The following MARCHF1 variants were observed in gnomAD, a reference collection of about 807,000 sequenced individuals.
MARCHF1 encodes the protein E3 ubiquitin-protein ligase MARCHF1.
In MARCHF1, 40 loss-of-function variants were observed where a neutral mutation model predicts 54.2. That is an observed-to-expected ratio of 0.74 (90% CI 0.57 to 0.96). The LOEUF is 0.96. MARCHF1 is among the 40% of genes least tolerant of loss of function. The pLI is 0.00. For synonymous variants in MARCHF1, 236 were observed against 236.3 expected, an observed-to-expected ratio of 1.00 and a Z score of 0.01; for missense variants, 586 against 656.5, an observed-to-expected ratio of 0.89 and a Z score of 1.17.
intron 2 of MARCHF1, among the ~76,000 whole-genome samples, chr4:164,007,000 A>G: frequency 9.0e-5 from 1 of 11,110 alleles, no homozygotes; most frequent in Non-Finnish European, 1.9e-4. Flanking sequence ...GAAAAAAAAA[A>G]AAAAAAAAAA....
chr4:164,148,637 A>G (rs1729841964), intron 1 of MARCHF1, among the ~76,000 whole-genome samples: 1 of 152,154 alleles, frequency 6.6e-6, no homozygotes, highest in Non-Finnish European at 1.5e-5. Context: ...TAAAAATAAA[A>G]TTTATTGTTA....
chr4:163,646,406 GA>G (rs1742761671), intron 5 of MARCHF1, among the ~76,000 whole-genome samples: 1 of 152,000 alleles, frequency 6.6e-6, no homozygotes, highest in Admixed American at 6.6e-5. Context: ...CAAGTAAAAA[GA>G]TGCTAATTAA....
At chr4:163,915,626 C>T (rs1219092950) in intron 3 of MARCHF1, among the ~76,000 whole-genome samples, 1 of 152,096 alleles carries the variant, frequency 6.6e-6, no homozygotes, top group African/African-American at 2.4e-5. Context: ...AGACTTTAAT[C>T]ACAGGGTAAA....
intron 4 of MARCHF1, among the ~76,000 whole-genome samples, chr4:163,748,880 TAAAG>T (rs966116806): frequency 2.0e-5 from 3 of 152,140 alleles, no homozygotes; most frequent in African/African-American, 7.2e-5. Flanking sequence ...CATCACCAAA[TAAAG>T]AGAGATGCTC....
intron 4 of MARCHF1, among the ~76,000 whole-genome samples, chr4:163,774,493 A>C (rs966799625): frequency 6.0e-4 from 80 of 132,462 alleles, no homozygotes; most frequent in Non-Finnish European, 9.4e-4. Context: ...AGTGCACTCA[A>C]GTGTTAGGCT....
In MARCHF1 at chr4:163,832,105, T is replaced by C. The variant is rs114860870; in HGVS notation, c.111+21916A>G. 4.4e-3 allele frequency among the ~76,000 whole-genome samples: 672 copies of C among 152,070 alleles called. 1 individual carries two copies. Among genetic ancestry groups the C allele is most frequent in the African/African-American group, 0.015 (638 of 41,502 alleles). ...GAAGGCATGACTAAGTCCAGAAAAA[T>C]TGAAAAGGTATATAAGGCAGATTTA... On this transcript the variant is annotated intron_variant, in intron 4 of 9. Coordinates refer to ENST00000514618, the MANE Select transcript of MARCHF1 (RefSeq NM_001394959.1).
intron 2 of MARCHF1, among the ~76,000 whole-genome samples, chr4:164,017,345 C>T (rs546309376): frequency 2.0e-5 from 3 of 152,060 alleles, no homozygotes; most frequent in East Asian, 1.9e-4. Context: ...AAAAGCTATG[C>T]TGAATGTTAA....
chr4:164,155,781 C>T (rs1277251113), intron 1 of MARCHF1, among the ~76,000 whole-genome samples: 6 of 152,018 alleles, frequency 3.9e-5, no homozygotes, highest in Admixed American at 3.9e-4. Context: ...ATTCATGTAA[C>T]AAAACTGAAC....
rs1388552679 is a variant in MARCHF1, at chr4:164,255,450, T to C, written c.-323+128420A>G. Among the ~76,000 whole-genome samples, 9 of 145,974 alleles carry C rather than the reference T, an allele frequency of 6.2e-5. 1 individual carries two copies. In the South Asian group the frequency reaches 1.9e-3, roughly 32 times the overall value. ...AAAAGTAGAAAAGAAAAAAGTAATA[T>C]GGTAAGGATAGGTCCAAATTCTTCA... is the stretch of plus-strand genomic sequence containing the variant. On this transcript the variant is annotated intron_variant, in intron 1 of 9. Coordinates refer to ENST00000514618, the MANE Select transcript of MARCHF1 (RefSeq NM_001394959.1).
At chr4:163,759,736 A>G (rs751988145) in intron 4 of MARCHF1, among the ~76,000 whole-genome samples, 5 of 152,210 alleles carry the variant, frequency 3.3e-5, no homozygotes, top group Non-Finnish European at 5.9e-5. Flanking sequence ...TTTTTCTTTT[A>G]TAAAAGCCAG....
chr4:164,192,717 T>A (rs1731154034), intron 1 of MARCHF1, among the ~76,000 whole-genome samples: 1 of 152,202 alleles, frequency 6.6e-6, no homozygotes, highest in Non-Finnish European at 1.5e-5. Context: ...CAATAAATCA[T>A]AAAAGTTAAA....
At chr4:164,316,594 C>A (rs546252118) in intron 1 of MARCHF1, among the ~76,000 whole-genome samples, 7 of 152,274 alleles carry the variant, frequency 4.6e-5, no homozygotes, top group African/African-American at 1.7e-4. Flanking sequence ...GCAGAAATGA[C>A]AACACTCCTA....
intron 8 of MARCHF1, among the ~76,000 whole-genome samples, chr4:163,566,064 G>A (rs754448461): frequency 6.6e-6 from 1 of 152,080 alleles, no homozygotes; most frequent in African/African-American, 2.4e-5. Flanking sequence ...CCCCTTTGTG[G>A]CACTGTTCAA....
At chr4:163,733,216 T>C (rs1745918812) in intron 4 of MARCHF1, among the ~76,000 whole-genome samples, 7 of 25,478 alleles carry the variant, frequency 2.7e-4, no homozygotes, top group Non-Finnish European at 5.0e-4. Context: ...TATATATATA[T>C]ATATACACGT....
intron 4 of MARCHF1, among the ~76,000 whole-genome samples, chr4:163,727,002 T>G (rs1375306259): frequency 6.6e-6 from 1 of 152,224 alleles, no homozygotes; most frequent in East Asian, 1.9e-4. Flanking sequence ...TGCAAGTATT[T>G]TCTCCCAGGT....
intron 3 of MARCHF1, among the ~76,000 whole-genome samples, chr4:163,980,900 G>C (rs10000599): frequency 0.11 from 17,481 of 152,142 alleles, 2,319 homozygotes; most frequent in East Asian, 0.34. Flanking sequence ...ATAGATCTAA[G>C]TCTGTACATG....
chr4:164,219,421 G>A (rs1269518392), intron 1 of MARCHF1, among the ~76,000 whole-genome samples: 1 of 152,056 alleles, frequency 6.6e-6, no homozygotes, highest in East Asian at 1.9e-4. Flanking sequence ...TTTCTTCAAA[G>A]TAGTGATATA....
At chr4:164,202,283 T>C (rs1021080129) in intron 1 of MARCHF1, among the ~76,000 whole-genome samples, 5 of 152,154 alleles carry the variant, frequency 3.3e-5, no homozygotes, top group Admixed American at 3.3e-4. Context: ...AGAGTTCCAG[T>C]CAGAGGACAT....
At chr4:164,207,150 T>G (rs1731629155) in intron 1 of MARCHF1, among the ~76,000 whole-genome samples, 1 of 152,166 alleles carries the variant, frequency 6.6e-6, no homozygotes, top group Non-Finnish European at 1.5e-5. Flanking sequence ...TATTAAGAAG[T>G]GAAGAGTAGT....
Sources: gnomAD v4.1 joint callset for allele counts (sites outside exome capture counted in the v4.1 genomes callset) on GRCh38, gnomAD v4.1.1 for gene constraint, MANE v1.5 for transcripts, NCBI Gene and HGNC (gene_info 2026-07-23, HGNC 2026-07-21) for gene names.